Variants in ARMC8 observed in about 807,000 individuals in gnomAD.
ARMC8 encodes armadillo repeat containing 8.
A neutral mutation model predicts 99.3 loss-of-function variants in ARMC8; 20 were observed. The observed-to-expected ratio is 0.20, with a 90% CI of 0.14 to 0.29. The LOEUF is 0.29. Ranked by LOEUF, ARMC8 falls within the 10% of genes least tolerant of loss-of-function variation. The pLI is 1.00. For missense variants in ARMC8, 569 were observed against 809.5 expected (o/e 0.70, Z 3.60); for synonymous variants, 263 against 278.3 (o/e 0.95, Z 0.55).
chr3:138,209,863 C>G lies in ARMC8; in HGVS notation c.92C>G (p.Pro31Arg), dbSNP rs1388137221. 6.2e-7 allele frequency: 1 copy of G among 1,613,770 alleles called. No homozygotes were observed. Among genetic ancestry groups the G allele is most frequent in the African/African-American group, 1.3e-5 (1 of 74,912 alleles). The stretch of plus-strand genomic sequence containing the variant: ...CACTATGTTGACAGGCTATTTGACC[C>G]TGATCCCCAGAAAGTTCTACAAGGT... ...SRHYVDRLFD[P>R]DPQKVLQGVI... is the part of the protein sequence containing the mutation. The change falls in exon 2 of 22, where the codon CCT becomes CGT. Residue 31 changes from proline to arginine, a missense_variant. Transcript: ENST00000469044.
intron 2 of ARMC8, among the ~76,000 whole-genome samples, chr3:138,213,527 G>C (rs2044826960): frequency 6.6e-6 from 1 of 152,194 alleles, no homozygotes; most frequent in Non-Finnish European, 1.5e-5. Flanking sequence ...TAAGATACGA[G>C]CTGAAAGAAG....
chr3:138,216,989 C>T (rs2045085984), intron 2 of ARMC8, among the ~76,000 whole-genome samples: 1 of 152,168 alleles, frequency 6.6e-6, no homozygotes, highest in Non-Finnish European at 1.5e-5. Context: ...TGTTTAGCTA[C>T]ACATTACCTA....
chr3:138,218,359 A>G (rs2045200517), intron 2 of ARMC8, among the ~76,000 whole-genome samples: 1 of 152,058 alleles, frequency 6.6e-6, no homozygotes, highest in African/African-American at 2.4e-5. Context: ...TTGCTCCTTA[A>G]TCCATCTCCC....
intron 12 of ARMC8, among the ~76,000 whole-genome samples, chr3:138,248,662 A>G (rs2046988269): frequency 6.6e-6 from 1 of 152,186 alleles, no homozygotes; most frequent in Non-Finnish European, 1.5e-5. Context: ...TGTTATGAAG[A>G]CCATCACTTG....
At chr3:138,187,951 G>C in intron 1 of ARMC8, 1 of 344,958 alleles carries the variant, frequency 2.9e-6, no homozygotes, top group Non-Finnish European at 5.4e-6. Context: ...CCCGGGGGCC[G>C]AACGCTCTGC....
intron 2 of ARMC8, among the ~76,000 whole-genome samples, chr3:138,221,525 G>A (rs2045392883): frequency 6.6e-6 from 1 of 152,098 alleles, no homozygotes; most frequent in South Asian, 2.1e-4. Context: ...AGTGAACAAA[G>A]TGTGATCATT....
In ARMC8 at chr3:138,223,446, A is replaced by G. The variant is rs1479130552; in HGVS notation, c.252A>G (p.Ala84=). The change falls in exon 4 of 22, where the codon GCA becomes GCG. Residue 84 remains alanine (A), a synonymous_variant. Coordinates refer to ENST00000469044, the MANE Select transcript of ARMC8 (RefSeq NM_001363941.2). ...GCACAGAGCTGAAAACTGAATGTGC[A>G]GTGGTGTTGGGAAGTCTTGCTATGG... ...TSSTELKTEC[A]VVLGSLAMGT... 12 of 1,614,156 alleles carry G rather than the reference A, an allele frequency of 7.4e-6. 1 individual carries two copies. In the South Asian group the frequency reaches 1.3e-4, roughly 18 times the overall value.
At chr3:138,267,299 T>C in intron 15 of ARMC8, 58 bp downstream of exon 15, 2 of 1,046,410 alleles carry the variant, frequency 1.9e-6, no homozygotes, top group Non-Finnish European at 2.7e-6. Flanking sequence ...CTTACTCAAA[T>C]ACTTTTTATA....
chr3:138,246,534 C>A, intron 12 of ARMC8: 1 of 985,436 alleles, frequency 1.0e-6, no homozygotes, highest in Non-Finnish European at 1.2e-6. Flanking sequence ...CTTAAATACA[C>A]AATTATTTGG....
At chr3:138,249,290 T>C (rs1463255353) in intron 12 of ARMC8, among the ~76,000 whole-genome samples, 2 of 152,076 alleles carry the variant, frequency 1.3e-5, no homozygotes, top group Non-Finnish European at 2.9e-5. Context: ...TCTGGTCATA[T>C]AGTCAGGGGT....
At chr3:138,188,527 A>T (rs770553415) in intron 1 of ARMC8, 2 of 1,614,094 alleles carry the variant, frequency 1.2e-6, no homozygotes, top group East Asian at 4.5e-5. Flanking sequence ...CGACTCTGAG[A>T]ATGGTCAGTT....
chr3:138,244,650 C>T (rs1453082445), intron 11 of ARMC8, among the ~76,000 whole-genome samples: 1 of 152,186 alleles, frequency 6.6e-6, no homozygotes, highest in African/African-American at 2.4e-5. Flanking sequence ...GGGAACCCTC[C>T]TAAAGACATT....
chr3:138,275,643 G>C (rs1473843639), intron 18 of ARMC8, among the ~76,000 whole-genome samples: 1 of 152,128 alleles, frequency 6.6e-6, no homozygotes, highest in Non-Finnish European at 1.5e-5. Flanking sequence ...TAGAGAGTTG[G>C]ACCCAGAGAG....
intron 1 of ARMC8, chr3:138,188,057 A>T (rs914969466): frequency 1.3e-5 from 3 of 224,530 alleles, no homozygotes; most frequent in African/African-American, 6.8e-5. Flanking sequence ...CTTGGCCCCC[A>T]TTTCCTCAGA....
chr3:138,190,150 A>T (rs2043296817), intron 1 of ARMC8, among the ~76,000 whole-genome samples: 1 of 152,056 alleles, frequency 6.6e-6, no homozygotes, highest in Non-Finnish European at 1.5e-5. Flanking sequence ...GTGCAAGTCC[A>T]TGTCTACTTA....
intron 6 of ARMC8, among the ~76,000 whole-genome samples, chr3:138,233,447 C>T (rs1267222348): frequency 2.6e-5 from 4 of 152,064 alleles, no homozygotes; most frequent in African/African-American, 4.8e-5. Flanking sequence ...AGCAGTAAAA[C>T]ATTAGAAACT....
At chr3:138,246,065 A>G (rs1288134949) in intron 12 of ARMC8, 5 of 985,372 alleles carry the variant, frequency 5.1e-6, no homozygotes, top group Middle Eastern at 1.0e-3. Context: ...TGTGAGAGAA[A>G]TCACAAAGTA....
intron 1 of ARMC8, among the ~76,000 whole-genome samples, chr3:138,189,353 GC>G (rs1279620643): frequency 1.3e-5 from 2 of 151,738 alleles, no homozygotes; most frequent in Admixed American, 6.6e-5. Context: ...CACTCCTAGA[GC>G]CTTGGGGAAG....
chr3:138,260,507 C>T (rs1383397292), intron 12 of ARMC8, among the ~76,000 whole-genome samples: 1 of 152,178 alleles, frequency 6.6e-6, no homozygotes, highest in Non-Finnish European at 1.5e-5. Context: ...TCCACAGGTT[C>T]TTTCATATCA....
Sources: allele counts gnomAD v4.1 joint callset (sites outside exome capture counted in the v4.1 genomes callset), GRCh38; gene constraint gnomAD v4.1.1; transcripts MANE v1.5; gene names NCBI Gene and HGNC (gene_info 2026-07-23, HGNC 2026-07-21).